The following MGAT5B variants were observed in gnomAD, a reference collection of about 807,000 sequenced individuals.
MGAT5B encodes the protein N-acetylglucosaminyl-transferase Vb.
In MGAT5B, 54 loss-of-function variants were observed where a neutral mutation model predicts 95.1. The observed-to-expected ratio is 0.57, with a 90% CI of 0.46 to 0.71. The LOEUF (loss-of-function observed/expected upper bound fraction) is 0.71, where lower values mean the gene tolerates loss of function less well. MGAT5B is among the 30% of genes least tolerant of loss of function. The pLI is 0.00. For missense variants in MGAT5B, 935 were observed against 1,088.6 expected (o/e 0.86, Z 1.99); for synonymous variants, 464 against 451.0 (o/e 1.03, Z -0.36).
chr17:76,937,601 G>T (rs1969719262), intron 12 of MGAT5B, among the ~76,000 whole-genome samples: 1 of 152,134 alleles, frequency 6.6e-6, no homozygotes, highest in African/African-American at 2.4e-5. Flanking sequence ...GGATGGATGG[G>T]ATGGGTGAGA....
chr17:76,928,401 G>C (rs1419367753), intron 10 of MGAT5B, among the ~76,000 whole-genome samples: 1 of 152,040 alleles, frequency 6.6e-6, no homozygotes, highest in Non-Finnish European at 1.5e-5. Context: ...TGGGTATTTA[G>C]ATCACTTAGA....
In MGAT5B at chr17:76,869,090, C is replaced by A; in HGVS notation, c.61C>A (p.Pro21Thr). ...CAGAAGATGCCTGGTCACCCTGAGACCCTTTCGGTAAAGTTCCCTCCTGGT... is the reference window on the plus strand; with the variant it reads ...CAGAAGATGCCTGGTCACCCTGAGAACCTTTCGGTAAAGTTCCCTCCTGGT... ...MVRRCLVTLRPFRLFVLGIGF... is the reference protein window; with the variant it reads ...MVRRCLVTLRTFRLFVLGIGF... The change falls in exon 1 of 18, where the codon CCC becomes ACC. Residue 21 changes from proline (P) to threonine (T), a missense_variant. Coordinates refer to ENST00000569840, the MANE Select transcript of MGAT5B (RefSeq NM_001199172.2). The surrounding 1 kb of genome is among the most constrained non-coding windows in gnomAD (Gnocchi z 7.0). The A allele has an allele frequency of 6.2e-7, 1 of 1,614,060 alleles. No homozygotes were observed. The highest frequency in any genetic ancestry group is 8.5e-7 in the Non-Finnish European group (1 of 1,179,938).
chr17:76,894,241 G>A (rs1332819816), intron 3 of MGAT5B, among the ~76,000 whole-genome samples: 1 of 152,232 alleles, frequency 6.6e-6, no homozygotes, highest in Non-Finnish European at 1.5e-5. Flanking sequence ...GCTGGGCGGG[G>A]TGAACTTTGG....
Position 76,904,250 on chromosome 17 carries a change from A to G in MGAT5B, c.520-2A>G, listed in dbSNP as rs1968433246. On this transcript the variant is annotated splice_acceptor_variant, in intron 5 of 17. Transcript: ENST00000569840. LOFTEE classifies it high-confidence loss of function. ...CCCTGCCCAGCCTGGCCCTCTCTGC[A>G]GTGGATGCGTGCCCGCTGGACCTCT... 2 of 1,605,088 alleles carry G rather than the reference A, an allele frequency of 1.2e-6. No homozygotes were observed. The highest frequency in any genetic ancestry group is 1.7e-6 in the Non-Finnish European group (2 of 1,176,862).
At chr17:76,891,219 CCT>C (rs1354501899) in intron 3 of MGAT5B, among the ~76,000 whole-genome samples, 1 of 151,698 alleles carries the variant, frequency 6.6e-6, no homozygotes, top group Non-Finnish European at 1.5e-5. Flanking sequence ...CCTGCCTTGG[CCT>C]CTCAAACTGC....
rs894956 is a variant in MGAT5B, at chr17:76,930,620, C to A, written c.1292-2025C>A. 6.6e-6 allele frequency among the ~76,000 whole-genome samples: 1 copy of A among 152,038 alleles called. No individual in the cohort carries two copies. Among genetic ancestry groups the A allele is most frequent in the Admixed American group, 6.5e-5 (1 of 15,280 alleles). ...CATGTTCCTCTTAACCCCTCCGTGG[C>A]GGACAGAGCTTTAGCAGTCACTGCA... On this transcript the variant is annotated intron_variant, in intron 10 of 17. Transcript: ENST00000569840. The surrounding 1 kb of genome is among the most constrained non-coding windows in gnomAD (Gnocchi z 4.1).
intron 12 of MGAT5B, among the ~76,000 whole-genome samples, chr17:76,935,803 A>G (rs886493953): frequency 7.1e-6 from 1 of 141,738 alleles, no homozygotes; most frequent in Non-Finnish European, 1.5e-5. Context: ...TATATATATT[A>G]TATATATTAT....
At position 76,932,763 on chromosome 17, in the gene MGAT5B, G is replaced by T. The variant is rs372693421; in HGVS notation, c.1410G>T (p.Ala470=). The change falls in exon 11 of 18, where the codon GCG becomes GCT. Residue 470 remains alanine, a synonymous_variant. Transcript: ENST00000569840. ...SNMAVVYGKE[A]SIWKLQGKEK... is the part of the protein sequence containing the mutation. ...TGGCCGTGGTGTACGGCAAGGAGGCGAGCATCTGGAAGGTGAGCGCGGCCC... is the reference window on the plus strand; with the variant it reads ...TGGCCGTGGTGTACGGCAAGGAGGCTAGCATCTGGAAGGTGAGCGCGGCCC... 1 of 1,613,588 alleles carries T rather than the reference G, an allele frequency of 6.2e-7. No homozygotes were observed. Among genetic ancestry groups the T allele is most frequent in the Non-Finnish European group, 8.5e-7 (1 of 1,179,830 alleles).
chr17:76,915,227 AG>A lies in MGAT5B; in HGVS notation c.1025+9041del, dbSNP rs544416390. Among the ~76,000 whole-genome samples the A allele has an allele frequency of 4.4e-4, 66 of 150,450 alleles. No individual in the cohort carries two copies. The highest frequency in any genetic ancestry group is 1.6e-3 in the African/African-American group (64 of 40,990). On this transcript the variant is annotated intron_variant, in intron 8 of 17. Transcript: ENST00000569840. The surrounding 1 kb of genome is among the most constrained non-coding windows in gnomAD (Gnocchi z 8.7). ...ATAGGAGGGAGAGAGTATTGCTGGC[AG>A]TGGCTTCAGGGGAGGGTCCCAGGAG... is the stretch of plus-strand genomic sequence containing the variant.
chr17:76,897,743 T>TCTTTCTTTC, intron 3 of MGAT5B, among the ~76,000 whole-genome samples: 1 of 147,970 alleles, frequency 6.8e-6, no homozygotes, highest in East Asian at 2.0e-4. Context: ...TTTTTTTTTT[T>TCTTTCTTTC]TTTTTTGGTT....
In MGAT5B at chr17:76,938,185, G is replaced by C; in HGVS notation, c.1584+42G>C. On this transcript the variant is annotated intron_variant, in intron 13 of 17. Coordinates refer to ENST00000569840, the MANE Select transcript of MGAT5B (RefSeq NM_001199172.2). The surrounding 1 kb of genome is among the most constrained non-coding windows in gnomAD (Gnocchi z 4.3). ...CGCACCATTCTCACACTTGCCGGCT[G>C]CAGACACTGAGGTCACCACCCATGC... The C allele has an allele frequency of 6.2e-7, 1 of 1,605,696 alleles. No homozygotes were observed. The highest frequency in any genetic ancestry group is 1.3e-5 in the African/African-American group (1 of 74,940).
chr17:76,897,025 C>A (rs1477059683), intron 3 of MGAT5B, among the ~76,000 whole-genome samples: 1 of 152,056 alleles, frequency 6.6e-6, no homozygotes, highest in Non-Finnish European at 1.5e-5. Context: ...CGCAAACGAT[C>A]CTCCTGCCTC....
rs769346236 is a variant in MGAT5B, at chr17:76,947,876, C to T, written c.1970C>T (p.Pro657Leu). 50 of 1,603,488 alleles carry T rather than the reference C, an allele frequency of 3.1e-5. No individual in the cohort carries two copies. Among genetic ancestry groups the T allele is most frequent in the Admixed American group, 5.1e-5 (3 of 59,142 alleles). ...CCTGCCCTACCAGAGGCCCACGCCC[C>T]GCAGAGCCCCTTTGTCCTGGCCCCC... ...PDPALPEAHAPQSPFVLAPNA... is the reference protein window; with the variant it reads ...PDPALPEAHALQSPFVLAPNA... The change falls in exon 17 of 18, where the codon CCG (proline) becomes CTG (leucine). Residue 657 changes from proline (P) to leucine (L), a missense_variant. Transcript: ENST00000569840.
intron 1 of MGAT5B, chr17:76,872,520 CT>C: frequency 1.4e-6 from 1 of 702,606 alleles, no homozygotes; most frequent in Admixed American, 3.1e-5. Flanking sequence ...ATGCTGACTG[CT>C]CGTCTGGGGA....
At chr17:76,936,328 A>C (rs1969671221) in intron 12 of MGAT5B, among the ~76,000 whole-genome samples, 1 of 152,164 alleles carries the variant, frequency 6.6e-6, no homozygotes, top group Admixed American at 6.5e-5. Flanking sequence ...GAATTGTTTG[A>C]ACCTGGGAGG....
At chr17:76,924,004 G>A (rs35118625) in intron 8 of MGAT5B, 41,802 of 152,114 alleles carry the variant, frequency 0.27, 6,464 homozygotes, top group African/African-American at 0.41. Context: ...CGGATGCCTC[G>A]TCATCCCCTG....
At chr17:76,907,007 C>A (rs1346879095) in intron 8 of MGAT5B, among the ~76,000 whole-genome samples, 1 of 151,976 alleles carries the variant, frequency 6.6e-6, no homozygotes, top group Non-Finnish European at 1.5e-5. Flanking sequence ...TCTCTGCCTC[C>A]TCCCCAGATG....
chr17:76,870,402 C>T lies in MGAT5B; in HGVS notation c.68+1305C>T, dbSNP rs1966966986. Among the ~76,000 whole-genome samples the T allele has an allele frequency of 2.0e-5, 3 of 152,110 alleles. No homozygotes were observed. Among genetic ancestry groups the T allele is most frequent in the Non-Finnish European group, 4.4e-5 (3 of 67,982 alleles). On this transcript the variant is annotated intron_variant, in intron 1 of 17. Transcript: ENST00000569840. The surrounding 1 kb of genome is among the most constrained non-coding windows in gnomAD (Gnocchi z 5.0). ...GAAGCAGGGCGGGAAGCAGGCGTCTCTGGAAAGGGCCTTGCTCCTCCAGGG... is the reference window on the plus strand; with the variant it reads ...GAAGCAGGGCGGGAAGCAGGCGTCTTTGGAAAGGGCCTTGCTCCTCCAGGG...
rs1331359575 is a variant in MGAT5B at position 76,906,858 on chromosome 17, T to C, written c.1025+671T>C. 6.6e-6 allele frequency among the ~76,000 whole-genome samples: 1 copy of C among 152,102 alleles called. No individual in the cohort carries two copies. Among genetic ancestry groups the C allele is most frequent in the Non-Finnish European group, 1.5e-5 (1 of 68,014 alleles). On this transcript the variant is annotated intron_variant, in intron 8 of 17. Coordinates refer to ENST00000569840, the MANE Select transcript of MGAT5B (RefSeq NM_001199172.2). This position sits in a 1 kb window ranked among gnomAD's most constrained non-coding sequence, Gnocchi z 4.6. ...TTCTTCTCTTTATTAATATTTATTG[T>C]AAGATATATGATGCATACAAAGTCT...
Sources: allele counts gnomAD v4.1 joint callset (sites outside exome capture counted in the v4.1 genomes callset), GRCh38; gene constraint gnomAD v4.1.1; non-coding constraint Gnocchi (gnomAD v3.1); transcripts MANE v1.5; gene names NCBI Gene and HGNC (gene_info 2026-07-23, HGNC 2026-07-21).